Variants in RSBN1L observed in about 807,000 individuals in gnomAD.
The protein encoded by RSBN1L is round spermatid basic protein 1 like, also known as lysine-specific demethylase RSBN1L.
A neutral mutation model predicts 67.7 loss-of-function variants in RSBN1L; 30 were observed. That is an observed-to-expected ratio of 0.44 (90% CI 0.33 to 0.60). The LOEUF (loss-of-function observed/expected upper bound fraction) is 0.60, where lower values mean the gene tolerates loss of function less well. RSBN1L is among the 20% of genes least tolerant of loss of function. RSBN1L has a pLI of 0.02. For synonymous variants in RSBN1L, 433 were observed against 387.0 expected, an observed-to-expected ratio of 1.12 and a Z score of -1.39; for missense variants, 992 against 1,031.7, an observed-to-expected ratio of 0.96 and a Z score of 0.53.
Position 77,775,411 on chromosome 7 carries a change from G to A in RSBN1L, c.1793+2097G>A, listed in dbSNP as rs576104483. 2.0e-3 allele frequency among the ~76,000 whole-genome samples: 306 copies of A among 151,984 alleles called. 2 individuals carry two copies. Among genetic ancestry groups the A allele is most frequent in the South Asian group, 0.012 (57 of 4,814 alleles). ...TTAGCTGGGCATGCATGCCTATAACGCCAGCTATTTGGGAGGCTGAGGCAC... is the reference window on the plus strand; with the variant it reads ...TTAGCTGGGCATGCATGCCTATAACACCAGCTATTTGGGAGGCTGAGGCAC... On this transcript the variant is annotated intron_variant, in intron 6 of 7. Coordinates refer to ENST00000334955, the MANE Select transcript of RSBN1L (RefSeq NM_198467.3).
At chr7:77,734,854 G>C (rs1339800391) in intron 1 of RSBN1L, among the ~76,000 whole-genome samples, 1 of 152,126 alleles carries the variant, frequency 6.6e-6, no homozygotes, top group Non-Finnish European at 1.5e-5. Flanking sequence ...ACATCAGAAA[G>C]TAAGAGTGGC....
At chr7:77,776,087 G>A (rs539759769) in intron 6 of RSBN1L, among the ~76,000 whole-genome samples, 2 of 152,254 alleles carry the variant, frequency 1.3e-5, no homozygotes, top group South Asian at 2.1e-4. Flanking sequence ...CTGTTGTTAG[G>A]GATATAGTGC....
intron 3 of RSBN1L, among the ~76,000 whole-genome samples, chr7:77,752,234 G>A (rs1791564750): frequency 6.6e-6 from 1 of 152,156 alleles, no homozygotes; most frequent in Non-Finnish European, 1.5e-5. Context: ...GAAACTCCAG[G>A]CAGATGGATC....
intron 2 of RSBN1L, among the ~76,000 whole-genome samples, chr7:77,741,580 T>A (rs1374881312): frequency 6.6e-6 from 1 of 151,244 alleles, no homozygotes; most frequent in Non-Finnish European, 1.5e-5. Flanking sequence ...TAGTCCCAGC[T>A]ACTCGGGAGG....
At chr7:77,735,800 A>G (rs1791326647) in intron 1 of RSBN1L, among the ~76,000 whole-genome samples, 1 of 152,168 alleles carries the variant, frequency 6.6e-6, no homozygotes, top group Non-Finnish European at 1.5e-5. Flanking sequence ...TTAGAATGCA[A>G]ATGAATGATC....
chr7:77,763,149 C>CTTTTT (rs11440608), intron 3 of RSBN1L, among the ~76,000 whole-genome samples: 2 of 126,942 alleles, frequency 1.6e-5, no homozygotes, highest in Admixed American at 8.2e-5. Flanking sequence ...TATAATTTGA[C>CTTTTT]TTTTTTTTTT....
chr7:77,715,587 G>T (rs900412451), intron 1 of RSBN1L, among the ~76,000 whole-genome samples: 2 of 152,170 alleles, frequency 1.3e-5, no homozygotes, highest in African/African-American at 4.8e-5. Context: ...AGAATTACAG[G>T]CACGACACTG....
intron 1 of RSBN1L, among the ~76,000 whole-genome samples, chr7:77,701,368 CTTCATTTTGGATT>C (rs1265728975): frequency 2.0e-5 from 3 of 151,792 alleles, no homozygotes; most frequent in South Asian, 2.1e-4. Flanking sequence ...TGGTTTCTTC[CTTCATTTTGGATT>C]TTCATTTTGG....
intron 2 of RSBN1L, among the ~76,000 whole-genome samples, chr7:77,745,210 G>A (rs1363723350): frequency 6.6e-6 from 1 of 150,582 alleles, no homozygotes; most frequent in East Asian, 1.9e-4. Context: ...GCAGTGAGCC[G>A]AGATTATGCC....
chr7:77,699,935 T>C (rs980212558), intron 1 of RSBN1L, among the ~76,000 whole-genome samples: 2 of 152,026 alleles, frequency 1.3e-5, no homozygotes, highest in African/African-American at 4.8e-5. Flanking sequence ...TGGCTGGAAT[T>C]ATAGGCACTC....
At chr7:77,741,431 C>A (rs1351169485) in intron 2 of RSBN1L, among the ~76,000 whole-genome samples, 1 of 151,708 alleles carries the variant, frequency 6.6e-6, no homozygotes. Flanking sequence ...GTGGCTCACG[C>A]CTGTAATCCC....
chr7:77,711,291 A>G (rs1308222358), intron 1 of RSBN1L, among the ~76,000 whole-genome samples: 1 of 151,594 alleles, frequency 6.6e-6, no homozygotes, highest in African/African-American at 2.4e-5. Flanking sequence ...ACTTAGCACT[A>G]CATTGTATAA....
At chr7:77,776,271 G>A (rs895898872) in intron 6 of RSBN1L, among the ~76,000 whole-genome samples, 1 of 152,028 alleles carries the variant, frequency 6.6e-6, no homozygotes, top group Non-Finnish European at 1.5e-5. Flanking sequence ...GCTTTATCAA[G>A]CTATGATCAC....
chr7:77,749,868 A>T lies in RSBN1L; in HGVS notation c.1148A>T (p.Glu383Val). The change falls in exon 3 of 8, where the codon GAG becomes GTG. Residue 383 changes from glutamate (E) to valine (V), a missense_variant. Transcript: ENST00000334955. Reference protein sequence around the residue: ...SPMEMERFAEEFVGLVFSENE... With the variant: ...SPMEMERFAEVFVGLVFSENE... ...ATGGAGATGGAGAGGTTTGCAGAAG[A>T]GTTTGTGGGTCTAGTGTTCAGTGAA... 1.2e-6 allele frequency: 2 copies of T among 1,614,108 alleles called. No individual in the cohort carries two copies. The highest frequency in any genetic ancestry group is 1.7e-6 in the Non-Finnish European group (2 of 1,180,016).
intron 1 of RSBN1L, among the ~76,000 whole-genome samples, chr7:77,705,518 T>TTTG (rs1393166926): frequency 6.8e-6 from 1 of 146,018 alleles, no homozygotes; most frequent in East Asian, 2.0e-4. Context: ...TGGTTTTTTT[T>TTTG]TTTTTTTTTT....
rs71529102 is a variant in RSBN1L, at chr7:77,703,477, GTTTTTTTTTTTTTTTTTT to G, written c.586+6435_586+6452del. ...GTGTCTCTTTTTTCCTACTGTTTGG[GTTTTTTTTTTTTTTTTTT>G]TTTTTTTTTTTTGAGAAGGACTCTC... On this transcript the variant is annotated intron_variant, in intron 1 of 7. Transcript: ENST00000334955. Among the ~76,000 whole-genome samples the G allele has an allele frequency of 9.7e-5, 6 of 61,604 alleles. No individual in the cohort carries two copies. The Admixed American group carries it at 1.2e-3, about 13-fold the overall frequency. 40.4% of individuals were successfully genotyped at this position (61,604 alleles called of 152,430 possible).
chr7:77,778,234 GT>G, intron 6 of RSBN1L, 103 bp from the exon 7 acceptor site: 1 of 727,678 alleles, frequency 1.4e-6, no homozygotes, highest in Non-Finnish European at 2.3e-6. Context: ...TTGTAAGACA[GT>G]ACTATGGTAT....
intron 2 of RSBN1L, among the ~76,000 whole-genome samples, chr7:77,743,087 T>C (rs571324627): frequency 6.6e-6 from 1 of 151,990 alleles, no homozygotes; most frequent in African/African-American, 2.4e-5. Context: ...AAGGTCTTAC[T>C]CTGTTGCCAG....
At chr7:77,770,280 CAGG>C (rs1388008750) in intron 5 of RSBN1L, among the ~76,000 whole-genome samples, 1 of 152,130 alleles carries the variant, frequency 6.6e-6, no homozygotes, top group Non-Finnish European at 1.5e-5. Context: ...GAGGCTGAGG[CAGG>C]AGAATTGCTT....
Sources: allele counts gnomAD v4.1 joint callset (sites outside exome capture counted in the v4.1 genomes callset), GRCh38; gene constraint gnomAD v4.1.1; transcripts MANE v1.5; gene names NCBI Gene and HGNC (gene_info 2026-07-23, HGNC 2026-07-21).